The following DHTKD1 variants were observed in gnomAD, a reference collection of about 807,000 sequenced individuals.
DHTKD1 encodes the protein 2-oxoadipate dehydrogenase complex component E1.
Under a neutral mutation model 101.8 loss-of-function variants are expected in DHTKD1, and 78 were observed. The observed-to-expected ratio is 0.77, with a 90% CI of 0.64 to 0.93. The LOEUF (loss-of-function observed/expected upper bound fraction) is 0.93. Ranked by LOEUF, DHTKD1 falls within the 40% of genes least tolerant of loss-of-function variation. DHTKD1 has a pLI of 0.00. For synonymous variants in DHTKD1, 462 were observed against 450.3 expected, an observed-to-expected ratio of 1.03 and a Z score of -0.33; for missense variants, 1,223 against 1,161.7, an observed-to-expected ratio of 1.05 and a Z score of -0.77.
chr10:12,077,769 G>A (rs1056457091), intron 1 of DHTKD1, among the ~76,000 whole-genome samples: 2 of 151,908 alleles, frequency 1.3e-5, no homozygotes, highest in Non-Finnish European at 2.9e-5. Flanking sequence ...TCGTACTCAT[G>A]CTCTCTAGGG....
chr10:12,118,753 A>G lies in DHTKD1; in HGVS notation c.2407A>G (p.Lys803Glu), dbSNP rs1359000414. 1 of 1,562,032 alleles carries G rather than the reference A, an allele frequency of 6.4e-7. No homozygotes were observed. Among genetic ancestry groups the G allele is most frequent in the Non-Finnish European group, 8.6e-7 (1 of 1,156,550 alleles). The change falls in exon 15 of 17, where the codon AAG becomes GAG. Residue 803 changes from lysine (K) to glutamate (E), a missense_variant. Physicochemically the swap from Lys to Glu is moderately conservative, Grantham distance 56 (BLOSUM62 1). Coordinates refer to ENST00000263035, the MANE Select transcript of DHTKD1 (RefSeq NM_018706.7). ...GDSSVDPKKV[K>E]TLVFCSGKHF... is the part of the protein sequence containing the mutation. The stretch of plus-strand genomic sequence containing the variant: ...TGTTCCTTTTCTGTCCAACAGGGTT[A>G]AGACCCTCGTGTTCTGCTCCGGCAA...
intron 10 of DHTKD1, among the ~76,000 whole-genome samples, chr10:12,102,661 AT>A (rs2131617347): frequency 6.6e-6 from 1 of 152,232 alleles, no homozygotes; most frequent in African/African-American, 2.4e-5. Context: ...AAAAGTCCCA[AT>A]TAAATGCCTT....
At chr10:12,106,544 A>T in intron 11 of DHTKD1, 148 bp downstream of exon 11, 1 of 997,904 alleles carries the variant, frequency 1.0e-6, no homozygotes, top group East Asian at 2.4e-5. Context: ...CCCTGTTATG[A>T]CGGGAGTGTG....
chr10:12,100,285 C>CTGGTTTTTTTTTT lies in DHTKD1; in HGVS notation c.1756+25_1756+26insGTTTTTTTTTTTG, dbSNP rs1833142058. 11 of 229,508 alleles carry CTGGTTTTTTTTTT rather than the reference C, an allele frequency of 4.8e-5. 1 individual carries two copies. Among genetic ancestry groups the CTGGTTTTTTTTTT allele is most frequent in the African/African-American group, 3.3e-4 (7 of 21,226 alleles). The allele number at this position is 229,508 out of a possible 1,614,324, so 14.2% of individuals were successfully genotyped here. ...AAGGTAAGAATTTTCTTTTTTTTTTCTGTTTTTTTTTTTTTTGAGTCTCAC... is the reference window on the plus strand; with the variant it reads ...AAGGTAAGAATTTTCTTTTTTTTTTCTGGTTTTTTTTTTTGTTTTTTTTTTTTTTGAGTCTCAC... On this transcript the variant is annotated intron_variant, in intron 9 of 16. Transcript: ENST00000263035.
chr10:12,079,723 C>T (rs1832786321), intron 1 of DHTKD1, among the ~76,000 whole-genome samples: 1 of 152,094 alleles, frequency 6.6e-6, no homozygotes. Flanking sequence ...ATGCTTTAGA[C>T]ATAGTCTGTC....
chr10:12,085,200 A>G (rs1023908344), intron 3 of DHTKD1, among the ~76,000 whole-genome samples: 4 of 151,926 alleles, frequency 2.6e-5, no homozygotes, highest in Non-Finnish European at 5.9e-5. Flanking sequence ...ATCCCAGCTA[A>G]TCAGGAGGCT....
At chr10:12,074,866 A>G (rs1832702451) in intron 1 of DHTKD1, among the ~76,000 whole-genome samples, 1 of 152,212 alleles carries the variant, frequency 6.6e-6, no homozygotes, top group South Asian at 2.1e-4. Flanking sequence ...ACCAGCGGCC[A>G]TATTGAAAAC....
intron 13 of DHTKD1, among the ~76,000 whole-genome samples, chr10:12,117,035 C>G (rs571788261): frequency 6.6e-6 from 1 of 151,836 alleles, no homozygotes; most frequent in Non-Finnish European, 1.5e-5. Flanking sequence ...TGAGGTCTTG[C>G]TCTGTTGCCC....
rs1170356661 is a variant in DHTKD1 at position 12,122,669 on chromosome 10, C to CTTCTTTATTTGAGGGACT, written c.*1785_*1802dup. 2.6e-5 allele frequency: 4 copies of CTTCTTTATTTGAGGGACT among 151,782 alleles called. No individual in the cohort carries two copies. The highest frequency in any genetic ancestry group is 5.9e-5 in the Non-Finnish European group (4 of 67,970). The allele number at this position is 151,782 out of a possible 1,614,324, so 9.4% of individuals were successfully genotyped here. A position where few individuals can be genotyped will look rare whatever the true frequency, so the allele number is the denominator to read the frequency against. ...GAGAGGAAAAAAAAAGAAAAGAACA[C>CTTCTTTATTTGAGGGACT]TTCTTTATTTGAGGGACTTTCCCAA... is the stretch of plus-strand genomic sequence containing the variant. On this transcript the variant is annotated 3_prime_UTR_variant, in exon 17 of 17. Coordinates refer to ENST00000263035, the MANE Select transcript of DHTKD1 (RefSeq NM_018706.7).
At chr10:12,082,554 G>C (rs1388134620) in intron 2 of DHTKD1, among the ~76,000 whole-genome samples, 1 of 151,788 alleles carries the variant, frequency 6.6e-6, no homozygotes, top group African/African-American at 2.4e-5. Context: ...GATCATTTTA[G>C]TGTCTCTTAG....
Position 12,094,119 on chromosome 10 carries a change from A to G in DHTKD1, c.1206A>G (p.Pro402=). 2 of 1,614,166 alleles carry G rather than the reference A, an allele frequency of 1.2e-6. No individual in the cohort carries two copies. Among genetic ancestry groups the G allele is most frequent in the Non-Finnish European group, 1.7e-6 (2 of 1,180,026 alleles). The change falls in exon 7 of 17, where the codon CCA becomes CCG. Residue 402 remains proline (P), a synonymous_variant. Coordinates refer to ENST00000263035, the MANE Select transcript of DHTKD1 (RefSeq NM_018706.7). ...TCATCCATGTCAATGGAGACAGCCC[A>G]GAGGAAGTGGTCCGTGCCACACGAC... ...CAIIHVNGDS[P]EEVVRATRLA...
chr10:12,095,494 A>T (rs536119194), intron 7 of DHTKD1, among the ~76,000 whole-genome samples: 2 of 152,168 alleles, frequency 1.3e-5, no homozygotes, highest in Admixed American at 1.3e-4. Context: ...CCTGGCCAAC[A>T]TGGTGAAACC....
chr10:12,119,421 C>A (rs1319695541), intron 15 of DHTKD1, among the ~76,000 whole-genome samples: 2 of 151,476 alleles, frequency 1.3e-5, no homozygotes, highest in African/African-American at 4.9e-5. Flanking sequence ...CAAGACCATC[C>A]TGGCTAACAC....
In DHTKD1 at chr10:12,118,920, T is replaced by G. The variant is rs1423007407; in HGVS notation, c.2572+2T>G. ...TGAGCAAATACAAACATGTTAAAGG[T>G]AAGAGGTTGTTCTCATTTGGGTTTT... On this transcript the variant is annotated splice_donor_variant, in intron 15 of 16. Transcript: ENST00000263035. LOFTEE classifies it high-confidence loss of function. 6.5e-7 allele frequency: 1 copy of G among 1,538,832 alleles called. No homozygotes were observed. The highest frequency in any genetic ancestry group is 1.4e-5 in the African/African-American group (1 of 71,560).
chr10:12,086,224 TTC>T (rs1491496634), intron 3 of DHTKD1, among the ~76,000 whole-genome samples: 1,320 of 11,024 alleles, frequency 0.12, 102 homozygotes, highest in African/African-American at 0.14. Context: ...TTGTTTTCTT[TTC>T]TTTTTTTTTT....
In DHTKD1 at chr10:12,091,681, A is replaced by G. The variant is rs1056791483; in HGVS notation, c.1156A>G (p.Ile386Val). ...AAGGTCTTCTTTATACTGCAGTGATATTGGTACGTAACACAGGGAGGAACT... is the reference window on the plus strand; with the variant it reads ...AAGGTCTTCTTTATACTGCAGTGATGTTGGTACGTAACACAGGGAGGAACT... ...RGRSSLYCSD[I>V]GKLVGCAIIH... Residue 386 changes from isoleucine (I) to valine (V), a missense_variant, in exon 6 of 17, where the codon ATT becomes GTT. Physicochemically the swap from Ile to Val is conservative, Grantham distance 29 (BLOSUM62 3). Transcript: ENST00000263035. The G allele has an allele frequency of 8.1e-6, 13 of 1,613,246 alleles. No individual in the cohort carries two copies. The highest frequency in any genetic ancestry group is 1.6e-4 in the Middle Eastern group (1 of 6,076).
chr10:12,076,995 A>AT, intron 1 of DHTKD1, among the ~76,000 whole-genome samples: 1 of 128,102 alleles, frequency 7.8e-6, no homozygotes, highest in African/African-American at 2.7e-5. Context: ...AAAAAAAAAA[A>AT]GGAAGAAAAA....
rs907911378 is a variant in DHTKD1 at position 12,121,783 on chromosome 10, A to G, written c.*895A>G. The G allele has an allele frequency of 6.6e-6, 1 of 152,196 alleles. No individual in the cohort carries two copies. Among genetic ancestry groups the G allele is most frequent in the African/African-American group, 2.4e-5 (1 of 41,450 alleles). The allele number at this position is 152,196 out of a possible 1,614,324, so 9.4% of individuals were successfully genotyped here. ...TCATAAATTAAAAGGAAAGTATGAT[A>G]GTGTTATGGATTTTAGCTCTGAGTG... On this transcript the variant is annotated 3_prime_UTR_variant, in exon 17 of 17. Transcript: ENST00000263035.
In DHTKD1 at chr10:12,069,836, C is replaced by T. The variant is rs541363593; in HGVS notation, c.154+649C>T. On this transcript the variant is annotated intron_variant, in intron 1 of 16. Coordinates refer to ENST00000263035, the MANE Select transcript of DHTKD1 (RefSeq NM_018706.7). ...TTACAGGCTGAGCCACTGCACCCAG[C>T]CTAGAAAACCAGCTCTTTAATGAGG... Among the ~76,000 whole-genome samples, 7 of 151,888 alleles carry T rather than the reference C, an allele frequency of 4.6e-5. No homozygotes were observed. The South Asian group carries it at 1.5e-3, about 32-fold the overall frequency.
Sources: gnomAD v4.1 joint callset for allele counts (sites outside exome capture counted in the v4.1 genomes callset) on GRCh38, gnomAD v4.1.1 for gene constraint, MANE v1.5 for transcripts, NCBI Gene and HGNC (gene_info 2026-07-23, HGNC 2026-07-21) for gene names.